PKIB: variants seen among roughly 807,000 people sequenced by gnomAD.
PKIB encodes PKI-beta.
A neutral mutation model predicts 4.5 loss-of-function variants in PKIB; 2 were observed. That is an observed-to-expected ratio of 0.44 (90% CI 0.18 to 1.39). The LOEUF is 1.39. PKIB is among the 40% of genes most tolerant of loss of function. The pLI, the probability that PKIB is intolerant of heterozygous loss-of-function variation, is 0.27. For synonymous variants in PKIB, 38 were observed against 36.0 expected, an observed-to-expected ratio of 1.06 and a Z score of -0.20; for missense variants, 94 against 92.6, an observed-to-expected ratio of 1.02 and a Z score of -0.06.
intron 2 of PKIB, among the ~76,000 whole-genome samples, chr6:122,560,718 T>A (rs1772988195): frequency 6.6e-6 from 1 of 152,122 alleles, no homozygotes; most frequent in Non-Finnish European, 1.5e-5. Flanking sequence ...TTAATCTCGC[T>A]GCTTGTTATT....
At chr6:122,583,501 G>T (rs956067382) in intron 2 of PKIB, among the ~76,000 whole-genome samples, 1 of 151,940 alleles carries the variant, frequency 6.6e-6, no homozygotes, top group African/African-American at 2.4e-5. Context: ...ACCTCTTTAG[G>T]ATTCTTCTTT....
At chr6:122,587,263 G>A (rs1344124450) in intron 3 of PKIB, among the ~76,000 whole-genome samples, 1 of 152,110 alleles carries the variant, frequency 6.6e-6, no homozygotes, top group Non-Finnish European at 1.5e-5. Context: ...ACCTATGAGT[G>A]AGAACATGCG....
rs866999203 is a variant in PKIB at position 122,486,313 on chromosome 6, G to A, written c.-248+8374G>A. 5.3e-5 allele frequency among the ~76,000 whole-genome samples: 8 copies of A among 152,056 alleles called. No individual in the cohort carries two copies. The South Asian group carries it at 6.2e-4, about 12-fold the overall frequency. On this transcript the variant is annotated intron_variant, in intron 2 of 6. Coordinates refer to the PKIB transcript ENST00000392491. ...CTAAACCAGTCGCAATTCAATTATT[G>A]TTATCTTTCTTTCAGAATAATAAGT...
intron 2 of PKIB, among the ~76,000 whole-genome samples, chr6:122,529,611 C>T (rs1005013427): frequency 2.0e-5 from 3 of 152,056 alleles, no homozygotes; most frequent in Non-Finnish European, 2.9e-5. Context: ...TAGAGCAGGT[C>T]GAGTGGTAAT....
At chr6:122,522,444 AAAC>A (rs1028585474) in intron 2 of PKIB, among the ~76,000 whole-genome samples, 1 of 152,072 alleles carries the variant, frequency 6.6e-6, no homozygotes, top group South Asian at 2.1e-4. Context: ...AAACCAAAAC[AAAC>A]AACAACAACA....
At chr6:122,503,429 T>C (rs1202853868) in intron 2 of PKIB, among the ~76,000 whole-genome samples, 2 of 152,246 alleles carry the variant, frequency 1.3e-5, no homozygotes, top group Admixed American at 1.3e-4. Context: ...TTTCTGTTTA[T>C]TAAAACTCAA....
intron 2 of PKIB, chr6:122,479,794 A>G (rs970430933): frequency 6.6e-6 from 1 of 152,200 alleles, no homozygotes; most frequent in Non-Finnish European, 1.5e-5. Context: ...TCTTTTGTAT[A>G]TAGATAGACT....
At chr6:122,504,907 G>A (rs1776350905) in intron 2 of PKIB, among the ~76,000 whole-genome samples, 1 of 152,140 alleles carries the variant, frequency 6.6e-6, no homozygotes, top group Non-Finnish European at 1.5e-5. Context: ...ACAAAGGAAT[G>A]AGAAGAGACA....
intron 3 of PKIB, among the ~76,000 whole-genome samples, chr6:122,691,998 C>A (rs575188165): frequency 6.6e-6 from 1 of 152,172 alleles, no homozygotes; most frequent in Non-Finnish European, 1.5e-5. Flanking sequence ...TCTGTATTAC[C>A]AGGCAGAGAC....
At chr6:122,673,870 C>A (rs6569266) in intron 2 of PKIB, among the ~76,000 whole-genome samples, 82,784 of 152,018 alleles carry the variant, frequency 0.54, 23,980 homozygotes, top group Non-Finnish European at 0.66. Flanking sequence ...AAAGACAGAT[C>A]TATACCAGAG....
chr6:122,687,527 G>A (rs1778140499), intron 3 of PKIB, among the ~76,000 whole-genome samples: 1 of 152,134 alleles, frequency 6.6e-6, no homozygotes, highest in African/African-American at 2.4e-5. Flanking sequence ...TATTTTCATA[G>A]GGACTGTATT....
chr6:122,579,122 A>G (rs774335720), intron 2 of PKIB, among the ~76,000 whole-genome samples: 5 of 152,156 alleles, frequency 3.3e-5, no homozygotes, highest in African/African-American at 7.2e-5. Context: ...AACCATTTTC[A>G]TGACTTCTCA....
rs150738782 is a variant in PKIB, at chr6:122,532,920, A to G, written c.-247-53001A>G. Among the ~76,000 whole-genome samples the G allele has an allele frequency of 8.5e-4, 129 of 152,216 alleles. 4 individuals are homozygous for G. In the East Asian group the frequency reaches 0.015, roughly 18 times the overall value. ...ACATGTTCATCCTGTTTTGATTTGC[A>G]TATCTCTAATGACTAGTGATCTTGA... On this transcript the variant is annotated intron_variant, in intron 2 of 6. Transcript: ENST00000392491.
chr6:122,670,960 A>G (rs1777439338), intron 2 of PKIB, among the ~76,000 whole-genome samples: 1 of 152,256 alleles, frequency 6.6e-6, no homozygotes. Flanking sequence ...TTTTAGAACT[A>G]TGCCTTGCTT....
intron 2 of PKIB, among the ~76,000 whole-genome samples, chr6:122,571,083 C>T (rs1429523510): frequency 6.6e-6 from 1 of 151,764 alleles, no homozygotes; most frequent in Non-Finnish European, 1.5e-5. Flanking sequence ...AAATAAAAGA[C>T]ATACTTAGAG....
At chr6:122,665,432 T>C (rs1223310920) in intron 2 of PKIB, among the ~76,000 whole-genome samples, 2 of 152,202 alleles carry the variant, frequency 1.3e-5, no homozygotes, top group Admixed American at 1.3e-4. Context: ...AGCATCTAAA[T>C]CTGCAGCATG....
chr6:122,632,066 T>A (rs1302506928), intron 1 of PKIB, among the ~76,000 whole-genome samples: 1 of 152,184 alleles, frequency 6.6e-6, no homozygotes, highest in Non-Finnish European at 1.5e-5. Flanking sequence ...TCATAACCCC[T>A]GGAAGAATGG....
chr6:122,538,820 C>T (rs1161490736), intron 2 of PKIB, among the ~76,000 whole-genome samples: 3 of 151,982 alleles, frequency 2.0e-5, no homozygotes, highest in African/African-American at 7.3e-5. Context: ...AGCATGGAAT[C>T]TTCTTCCATT....
intron 2 of PKIB, among the ~76,000 whole-genome samples, chr6:122,540,697 C>T (rs1311682415): frequency 1.3e-5 from 2 of 152,024 alleles, no homozygotes; most frequent in African/African-American, 2.4e-5. Flanking sequence ...TCAATTAGGT[C>T]TGCTTGGTGC....
Sources: gnomAD v4.1 joint callset for allele counts (sites outside exome capture counted in the v4.1 genomes callset) on GRCh38, gnomAD v4.1.1 for gene constraint, MANE v1.5 for transcripts, NCBI Gene and HGNC (gene_info 2026-07-23, HGNC 2026-07-21) for gene names.